TULP4: variants seen among roughly 807,000 people sequenced by gnomAD.
TULP4 encodes the protein tubby-related protein 4.
Under a neutral mutation model 129.0 loss-of-function variants are expected in TULP4, and 16 were observed. The observed-to-expected ratio is 0.12, with a 90% CI of 0.08 to 0.19. TULP4 has a LOEUF of 0.19. Ranked by LOEUF, TULP4 falls within the 10% of genes least tolerant of loss-of-function variation. The pLI, the probability that TULP4 is intolerant of heterozygous loss-of-function variation, is 1.00. For synonymous variants in TULP4, 998 were observed against 854.0 expected (o/e 1.17, Z -2.94); for missense variants, 1,842 against 2,059.1 (o/e 0.89, Z 2.04).
chr6:158,331,735 A>G (rs1441577418), intron 1 of TULP4, among the ~76,000 whole-genome samples: 10 of 19,834 alleles, frequency 5.0e-4, no homozygotes, highest in Non-Finnish European at 1.4e-3. Flanking sequence ...ACACATACGT[A>G]TATATATACG....
intron 1 of TULP4, among the ~76,000 whole-genome samples, chr6:158,240,883 G>A (rs1362038811): frequency 2.0e-5 from 3 of 150,780 alleles, no homozygotes; most frequent in East Asian, 2.0e-4. Context: ...GGTGGCTGCC[G>A]GGCGGAGACG....
intron 1 of TULP4, among the ~76,000 whole-genome samples, chr6:158,240,806 C>T (rs1221643864): frequency 1.3e-5 from 2 of 148,836 alleles, no homozygotes; most frequent in African/African-American, 2.4e-5. Flanking sequence ...CTGAACCCCC[C>T]ACCTCCCTCC....
chr6:158,277,250 C>G (rs141639395), intron 1 of TULP4, among the ~76,000 whole-genome samples: 1 of 152,148 alleles, frequency 6.6e-6, no homozygotes, highest in Non-Finnish European at 1.5e-5. Context: ...CCTACAGCAT[C>G]TATTTATGCT....
chr6:158,422,302 A>G (rs1430780188), intron 2 of TULP4, among the ~76,000 whole-genome samples: 1 of 152,246 alleles, frequency 6.6e-6, no homozygotes, highest in African/African-American at 2.4e-5. Flanking sequence ...CTATAAATAG[A>G]GATTACAAGG....
intron 1 of TULP4, among the ~76,000 whole-genome samples, chr6:158,330,314 A>G (rs1242935901): frequency 6.6e-6 from 1 of 152,232 alleles, no homozygotes; most frequent in Admixed American, 6.5e-5. Flanking sequence ...AGAACTTGTT[A>G]ATGAATGTCC....
At chr6:158,268,039 T>C (rs920925622) in intron 1 of TULP4, among the ~76,000 whole-genome samples, 7 of 146,582 alleles carry the variant, frequency 4.8e-5, no homozygotes, top group East Asian at 2.0e-4. Context: ...TTTTTTCTTT[T>C]TTTTTTTTTT....
chr6:158,329,371 CA>C (rs1583753745), intron 1 of TULP4, among the ~76,000 whole-genome samples: 1 of 151,144 alleles, frequency 6.6e-6, no homozygotes, highest in Admixed American at 6.6e-5. Flanking sequence ...ACGTTTAAGG[CA>C]AAACCGAGAT....
At chr6:158,399,316 C>T (rs1562550421) in intron 1 of TULP4, among the ~76,000 whole-genome samples, 1 of 152,216 alleles carries the variant, frequency 6.6e-6, no homozygotes, top group East Asian at 1.9e-4. Context: ...GCCATTCATC[C>T]TCAGCTGAGT....
chr6:158,343,099 T>G (rs1381643801), intron 1 of TULP4, among the ~76,000 whole-genome samples: 2 of 151,946 alleles, frequency 1.3e-5, no homozygotes, highest in African/African-American at 4.8e-5. Flanking sequence ...TTCAGGGGCC[T>G]CCAGGAGGAG....
chr6:158,322,160 G>A (rs1479320029), intron 1 of TULP4, among the ~76,000 whole-genome samples: 2 of 152,154 alleles, frequency 1.3e-5, no homozygotes, highest in African/African-American at 4.8e-5. Flanking sequence ...GTTTTAGTGG[G>A]AAAAGTTGAC....
At position 158,511,759 on chromosome 6, in the gene TULP4, T is replaced by G. The variant is rs1231042306; in HGVS notation, c.*5065T>G. On this transcript the variant is annotated 3_prime_UTR_variant, in exon 14 of 14. Transcript: ENST00000367097. ...ACTGAGACGGATTAATCTCCTTATT[T>G]TTTTCTTGATGATTTGAAGTTGTAA... is the stretch of plus-strand genomic sequence containing the variant. 1 of 152,232 alleles carries G rather than the reference T, an allele frequency of 6.6e-6. No individual in the cohort carries two copies. Among genetic ancestry groups the G allele is most frequent in the Non-Finnish European group, 1.5e-5 (1 of 68,042 alleles). The allele number at this position is 152,232 out of a possible 1,614,324, so 9.4% of individuals were successfully genotyped here.
rs956407056 is a variant in TULP4, at chr6:158,510,180, G to A, written c.*3486G>A. Reference sequence around the variant, plus strand: ...TATCCTGAGAAAAATTGGGGCCAAAGAAGCAGGAAAATCTCAAAGCTCTAA... The same window carrying A: ...TATCCTGAGAAAAATTGGGGCCAAAAAAGCAGGAAAATCTCAAAGCTCTAA... On this transcript the variant is annotated 3_prime_UTR_variant, in exon 14 of 14. Transcript: ENST00000367097. 2.6e-5 allele frequency: 4 copies of A among 152,726 alleles called. No individual in the cohort carries two copies. The highest frequency in any genetic ancestry group is 4.4e-5 in the Non-Finnish European group (3 of 68,024). 9.5% of individuals were successfully genotyped at this position (152,726 alleles called of 1,614,324 possible). A position where few individuals can be genotyped will look rare whatever the true frequency, so the allele number is the denominator to read the frequency against.
intron 1 of TULP4, among the ~76,000 whole-genome samples, chr6:158,393,002 T>G (rs1035389798): frequency 7.1e-6 from 1 of 141,476 alleles, no homozygotes; most frequent in Non-Finnish European, 1.5e-5. Context: ...AAAAAAAAAA[T>G]CAACAACAAG....
At chr6:158,262,863 G>T (rs560698503) in intron 1 of TULP4, among the ~76,000 whole-genome samples, 3 of 92,610 alleles carry the variant, frequency 3.2e-5, no homozygotes, top group African/African-American at 6.0e-5. Flanking sequence ...TTTGGAATGG[G>T]TGTTGGGGTG....
chr6:158,506,972 G>A lies in TULP4; in HGVS notation c.*278G>A, dbSNP rs138447404. 5.5e-3 allele frequency: 2,425 copies of A among 438,708 alleles called. 59 individuals are homozygous for A. The highest frequency in any genetic ancestry group is 0.042 in the African/African-American group (2,094 of 49,924). The allele number at this position is 438,708 out of a possible 1,614,324, so 27.2% of individuals were successfully genotyped here. ...GCACCTGCTGTTCTTTCAGGAAACA[G>A]CTTGGCTGTGGTAATGCTCTACTGG... On this transcript the variant is annotated 3_prime_UTR_variant, in exon 14 of 14. Coordinates refer to ENST00000367097, the MANE Select transcript of TULP4 (RefSeq NM_020245.5).
intron 1 of TULP4, among the ~76,000 whole-genome samples, chr6:158,370,910 A>G (rs1157750200): frequency 1.3e-5 from 2 of 152,194 alleles, no homozygotes; most frequent in South Asian, 4.1e-4. Flanking sequence ...AATGTGGTAG[A>G]CATCCACTGT....
intron 8 of TULP4, among the ~76,000 whole-genome samples, chr6:158,486,301 G>A (rs569269318): frequency 7.2e-5 from 11 of 152,242 alleles, no homozygotes; most frequent in South Asian, 4.1e-4. Context: ...ACTAACTAAC[G>A]CCTGTGATCC....
intron 8 of TULP4, among the ~76,000 whole-genome samples, chr6:158,485,774 A>G (rs150629087): frequency 4.6e-5 from 7 of 152,330 alleles, no homozygotes; most frequent in African/African-American, 1.4e-4. Flanking sequence ...TCAAAATTCA[A>G]TGGAATTTTC....
chr6:158,305,887 T>A (rs1451278803), intron 1 of TULP4, among the ~76,000 whole-genome samples: 1 of 152,154 alleles, frequency 6.6e-6, no homozygotes, highest in Admixed American at 6.5e-5. Flanking sequence ...TTATCATTCC[T>A]TGGAAACTTA....
Sources: allele counts gnomAD v4.1 joint callset (sites outside exome capture counted in the v4.1 genomes callset), GRCh38; gene constraint gnomAD v4.1.1; transcripts MANE v1.5; gene names NCBI Gene and HGNC (gene_info 2026-07-23, HGNC 2026-07-21).